The following RPH3A variants were observed in gnomAD, a reference collection of about 807,000 sequenced individuals.
RPH3A encodes rabphilin-3A.
In RPH3A, 48 loss-of-function variants were observed where a neutral mutation model predicts 102.2. That is an observed-to-expected ratio of 0.47 (90% CI 0.37 to 0.60). The LOEUF (loss-of-function observed/expected upper bound fraction) is 0.60, where lower values mean the gene tolerates loss of function less well. Among genes scored for constraint, RPH3A ranks in the 20% least tolerant of loss-of-function variants. The probability of loss-of-function intolerance (pLI) is 0.00; values close to 1 mark genes in which losing one functional copy is unlikely to be tolerated. For synonymous variants in RPH3A, 310 were observed against 324.3 expected (o/e 0.96, Z 0.47); for missense variants, 781 against 910.1 (o/e 0.86, Z 1.83).
chr12:112,682,615 C>G (rs1451237276), intron 1 of RPH3A, among the ~76,000 whole-genome samples: 1 of 152,172 alleles, frequency 6.6e-6, no homozygotes, highest in East Asian at 1.9e-4. Flanking sequence ...GGCTCCCCCT[C>G]TCTTATGGCT....
At chr12:112,687,852 T>A (rs2040277795) in intron 1 of RPH3A, among the ~76,000 whole-genome samples, 1 of 152,138 alleles carries the variant, frequency 6.6e-6, no homozygotes, top group Non-Finnish European at 1.5e-5. Context: ...CCTTCCCTGG[T>A]CCAAAGGCCC....
intron 1 of RPH3A, among the ~76,000 whole-genome samples, chr12:112,630,025 A>T (rs2039793003): frequency 6.6e-6 from 1 of 152,080 alleles, no homozygotes; most frequent in Non-Finnish European, 1.5e-5. Context: ...ATGATCTATT[A>T]CCACTCCCTT....
chr12:112,648,314 T>C (rs2039946567), intron 1 of RPH3A, among the ~76,000 whole-genome samples: 1 of 152,172 alleles, frequency 6.6e-6, no homozygotes, highest in Admixed American at 6.5e-5. Flanking sequence ...GAGTGGAATG[T>C]ACTTATTTCC....
chr12:112,879,698 T>C (rs1224629016), intron 14 of RPH3A, among the ~76,000 whole-genome samples: 2 of 152,192 alleles, frequency 1.3e-5, no homozygotes, highest in Non-Finnish European at 2.9e-5. Flanking sequence ...GGGAGTGAGC[T>C]GACTTGATTC....
intron 2 of RPH3A, among the ~76,000 whole-genome samples, chr12:112,821,823 T>C (rs2041785365): frequency 6.6e-6 from 1 of 152,258 alleles, no homozygotes; most frequent in Non-Finnish European, 1.5e-5. Context: ...TTTAATGTTA[T>C]ATCCCCTGTG....
At chr12:112,617,713 CTTTT>C (rs1325729527) in intron 1 of RPH3A, 1 of 152,026 alleles carries the variant, frequency 6.6e-6, no homozygotes, top group African/African-American at 2.4e-5. Flanking sequence ...TTTCTTTCTT[CTTTT>C]GAGACAGGTT....
chr12:112,891,266 A>G (rs554983707), intron 19 of RPH3A: 1 of 481,678 alleles, frequency 2.1e-6, no homozygotes, highest in East Asian at 3.7e-5. Flanking sequence ...TGGCTCTGCA[A>G]CTAAGCTAAT....
At chr12:112,783,340 C>T (rs980088585) in intron 1 of RPH3A, among the ~76,000 whole-genome samples, 5 of 152,136 alleles carry the variant, frequency 3.3e-5, no homozygotes, top group Non-Finnish European at 7.4e-5. Context: ...TCCCTGGTCT[C>T]CCGTGGAGGT....
intron 19 of RPH3A, among the ~76,000 whole-genome samples, chr12:112,892,164 T>G (rs1439153602): frequency 6.6e-6 from 1 of 152,182 alleles, no homozygotes; most frequent in African/African-American, 2.4e-5. Context: ...CCATGGAGCA[T>G]GGAGTCTCCA....
At chr12:112,661,401 C>A (rs1487780176) in intron 1 of RPH3A, among the ~76,000 whole-genome samples, 2 of 152,176 alleles carry the variant, frequency 1.3e-5, no homozygotes, top group African/African-American at 4.8e-5. Context: ...AGGGGGATAA[C>A]TACAGCCCCT....
chr12:112,710,500 G>T (rs12425189), intron 1 of RPH3A, among the ~76,000 whole-genome samples: 31,765 of 151,946 alleles, frequency 0.21, 3,886 homozygotes, highest in South Asian at 0.36. Flanking sequence ...ATGATCCCAG[G>T]CCACAGCACT....
At chr12:112,800,221 A>G (rs7976649) in intron 2 of RPH3A, among the ~76,000 whole-genome samples, 42,750 of 152,174 alleles carry the variant, frequency 0.28, 10,373 homozygotes, top group African/African-American at 0.65. Context: ...TTATAAAAAC[A>G]GCAGCCAGTG....
intron 1 of RPH3A, among the ~76,000 whole-genome samples, chr12:112,647,345 A>T (rs1237847988): frequency 6.6e-6 from 1 of 152,184 alleles, no homozygotes; most frequent in Admixed American, 6.5e-5. Flanking sequence ...CAGTTTCATA[A>T]TCTGTACAAT....
At chr12:112,664,949 G>T (rs908401562) in intron 1 of RPH3A, among the ~76,000 whole-genome samples, 1 of 151,388 alleles carries the variant, frequency 6.6e-6, no homozygotes, top group Non-Finnish European at 1.5e-5. Context: ...CATGGCGGGG[G>T]TGGGGGGGAT....
intron 2 of RPH3A, among the ~76,000 whole-genome samples, chr12:112,793,507 C>G (rs1332487739): frequency 6.6e-6 from 1 of 152,136 alleles, no homozygotes. Flanking sequence ...TGCTGAAATC[C>G]CACAGCATGT....
At chr12:112,730,229 C>A (rs1160506363) in intron 1 of RPH3A, among the ~76,000 whole-genome samples, 1 of 152,180 alleles carries the variant, frequency 6.6e-6, no homozygotes, top group Non-Finnish European at 1.5e-5. Flanking sequence ...CGTAAGCCAC[C>A]CAGTCTGTGG....
At chr12:112,701,409 G>A (rs1217008049) in intron 1 of RPH3A, among the ~76,000 whole-genome samples, 1 of 152,196 alleles carries the variant, frequency 6.6e-6, no homozygotes, top group Admixed American at 6.5e-5. Flanking sequence ...GACAACCATA[G>A]GAGAGAGGGA....
At chr12:112,753,658 C>A (rs1034113779) in intron 1 of RPH3A, among the ~76,000 whole-genome samples, 1 of 152,118 alleles carries the variant, frequency 6.6e-6, no homozygotes, top group Admixed American at 6.5e-5. Flanking sequence ...CTAAGATTGA[C>A]GATTTCACAG....
At chr12:112,815,574 G>C (rs1481491150) in intron 2 of RPH3A, among the ~76,000 whole-genome samples, 1 of 152,136 alleles carries the variant, frequency 6.6e-6, no homozygotes, top group African/African-American at 2.4e-5. Flanking sequence ...TGAGCATTTT[G>C]TCTCTGAGGC....
Sources: gnomAD v4.1 joint callset for allele counts (sites outside exome capture counted in the v4.1 genomes callset) on GRCh38, gnomAD v4.1.1 for gene constraint, MANE v1.5 for transcripts, NCBI Gene and HGNC (gene_info 2026-07-23, HGNC 2026-07-21) for gene names.